Variants in GPATCH8 observed in about 807,000 individuals in gnomAD.
GPATCH8 encodes the protein G patch domain-containing protein 8.
GPATCH8 carries 18 observed loss-of-function variants against 118.3 expected under a neutral mutation model. The observed-to-expected ratio is 0.15, with a 90% confidence interval of 0.11 to 0.23. The LOEUF (loss-of-function observed/expected upper bound fraction) is 0.23, where lower values mean the gene tolerates loss of function less well. Ranked by LOEUF, GPATCH8 falls within the 10% of genes least tolerant of loss-of-function variation. The pLI, the probability that GPATCH8 is intolerant of heterozygous loss-of-function variation, is 1.00. For synonymous variants in GPATCH8, 659 were observed against 684.7 expected, an observed-to-expected ratio of 0.96 and a Z score of 0.59; for missense variants, 1,631 against 1,873.8, an observed-to-expected ratio of 0.87 and a Z score of 2.39.
chr17:44,497,937 T>C (rs1969790238), intron 1 of GPATCH8, among the ~76,000 whole-genome samples: 1 of 148,226 alleles, frequency 6.7e-6, no homozygotes, highest in African/African-American at 2.5e-5. Flanking sequence ...AGACACTGTC[T>C]CCAAAAAAAA....
At chr17:44,469,088 TC>T (rs1280659982) in intron 2 of GPATCH8, among the ~76,000 whole-genome samples, 3 of 152,076 alleles carry the variant, frequency 2.0e-5, no homozygotes, top group African/African-American at 2.4e-5. Flanking sequence ...CCTTTTTTTC[TC>T]CCCCTATTTC....
At chr17:44,454,733 C>T (rs1285275826) in intron 3 of GPATCH8, among the ~76,000 whole-genome samples, 1 of 152,326 alleles carries the variant, frequency 6.6e-6, no homozygotes, top group South Asian at 2.1e-4. Flanking sequence ...CTTTCCTTTT[C>T]TGTTTTATCC....
chr17:44,449,793 G>A (rs528358255), intron 3 of GPATCH8, among the ~76,000 whole-genome samples: 46 of 152,290 alleles, frequency 3.0e-4, no homozygotes, highest in South Asian at 1.0e-3. Context: ...GATTACAGGC[G>A]TGAGCCACTG....
intron 5 of GPATCH8, among the ~76,000 whole-genome samples, chr17:44,428,057 G>A (rs548692681): frequency 2.6e-5 from 4 of 152,170 alleles, no homozygotes; most frequent in African/African-American, 7.2e-5. Flanking sequence ...CGAGGCAGGC[G>A]GATTACCTGA....
chr17:44,422,982 TCC>T (rs2049966403), intron 6 of GPATCH8, among the ~76,000 whole-genome samples: 2 of 151,640 alleles, frequency 1.3e-5, no homozygotes, highest in African/African-American at 4.8e-5. Context: ...TAAAAGAATG[TCC>T]ACGGCCGGGC....
chr17:44,427,835 C>T (rs2050143517), intron 5 of GPATCH8, among the ~76,000 whole-genome samples: 1 of 151,926 alleles, frequency 6.6e-6, no homozygotes, highest in African/African-American at 2.4e-5. Context: ...GCTTATAGTA[C>T]GAAAATAATG....
At chr17:44,483,599 T>A (rs1968518378) in intron 1 of GPATCH8, among the ~76,000 whole-genome samples, 2 of 151,948 alleles carry the variant, frequency 1.3e-5, no homozygotes, top group African/African-American at 4.8e-5. Flanking sequence ...TCATACTTAC[T>A]GCATTTTAAA....
chr17:44,484,142 T>C (rs887434385), intron 1 of GPATCH8, among the ~76,000 whole-genome samples: 4 of 149,914 alleles, frequency 2.7e-5, no homozygotes, highest in Non-Finnish European at 5.9e-5. Context: ...GCCAGACCAA[T>C]TTATTTATTT....
chr17:44,472,175 T>C (rs1046897427), intron 2 of GPATCH8, among the ~76,000 whole-genome samples: 8 of 152,136 alleles, frequency 5.3e-5, no homozygotes, highest in Non-Finnish European at 1.2e-4. Context: ...TTCTGAACAT[T>C]CATTTATTTA....
chr17:44,484,855 T>C (rs1968650797), intron 1 of GPATCH8, among the ~76,000 whole-genome samples: 1 of 152,142 alleles, frequency 6.6e-6, no homozygotes, highest in Non-Finnish European at 1.5e-5. Flanking sequence ...CTAACTTTTA[T>C]TATGTATTTG....
At position 44,400,051 on chromosome 17, in the gene GPATCH8, T is replaced by C; in HGVS notation, c.2026A>G (p.Lys676Glu). The change falls in exon 8 of 8, where the codon AAA (lysine) becomes GAA (glutamate). Residue 676 changes from lysine (K) to glutamate (E), a missense_variant. Transcript: ENST00000591680. ...GATTTTTTGTGCTTCTTTTTCTTTT[T>C]GTGCCGGTGGGACTTCCCAGATCGT... is the stretch of plus-strand genomic sequence containing the variant. ...KERSGKSHRHKKKKKHKKSSK... is the reference protein window; with the variant it reads ...KERSGKSHRHEKKKKHKKSSK... The C allele has an allele frequency of 6.2e-7, 1 of 1,614,162 alleles. No homozygotes were observed. The highest frequency in any genetic ancestry group is 8.5e-7 in the Non-Finnish European group (1 of 1,180,032).
intron 3 of GPATCH8, among the ~76,000 whole-genome samples, chr17:44,441,414 C>T (rs762257380): frequency 5.9e-5 from 9 of 152,162 alleles, no homozygotes; most frequent in Non-Finnish European, 1.2e-4. Context: ...AGATTCAATA[C>T]AAACATTTAC....
chr17:44,462,798 C>T lies in GPATCH8; in HGVS notation c.193+1674G>A, dbSNP rs144813381. Among the ~76,000 whole-genome samples, 631 of 151,962 alleles carry T rather than the reference C, an allele frequency of 4.2e-3. 5 individuals are homozygous for T. The highest frequency in any genetic ancestry group is 0.015 in the African/African-American group (612 of 41,468). On this transcript the variant is annotated intron_variant, in intron 3 of 7. Transcript: ENST00000591680. ...GAGATCGAGACCATCCTGGCTAACA[C>T]GGTGAAACCCCGTCTCTATAAAAAT...
At position 44,395,331 on chromosome 17, in the gene GPATCH8, CAT is replaced by C. The variant is rs1157596360; in HGVS notation, c.*2235_*2236del. ...AAAGTTCCTTTCCCTCATTTTACAG[CAT>C]ATATATCTCTATCATATGTGATAAA... On this transcript the variant is annotated 3_prime_UTR_variant, in exon 8 of 8. Coordinates refer to ENST00000591680, the MANE Select transcript of GPATCH8 (RefSeq NM_001002909.4). 1.9e-5 allele frequency: 8 copies of C among 416,302 alleles called. No homozygotes were observed. The highest frequency in any genetic ancestry group is 1.2e-4 in the African/African-American group (6 of 48,100). The allele number at this position is 416,302 out of a possible 1,614,324, so 25.8% of individuals were successfully genotyped here. A position where few individuals can be genotyped will look rare whatever the true frequency, so the allele number is the denominator to read the frequency against.
At chr17:44,464,618 C>T in intron 2 of GPATCH8, 74 bp from the exon 3 acceptor site, 1 of 894,682 alleles carries the variant, frequency 1.1e-6, no homozygotes, top group Non-Finnish European at 1.9e-6. Context: ...GACATTTAAA[C>T]AGATGATGAG....
chr17:44,470,858 A>C (rs1251258323), intron 2 of GPATCH8, among the ~76,000 whole-genome samples: 1 of 152,216 alleles, frequency 6.6e-6, no homozygotes, highest in East Asian at 1.9e-4. Flanking sequence ...TATCCTAAAA[A>C]ACACCAATTA....
At chr17:44,490,256 T>C (rs1295444867) in intron 1 of GPATCH8, among the ~76,000 whole-genome samples, 1 of 152,096 alleles carries the variant, frequency 6.6e-6, no homozygotes, top group Non-Finnish European at 1.5e-5. Flanking sequence ...TGCAGTAAGC[T>C]ATGATCTTGT....
At position 44,414,080 on chromosome 17, in the gene GPATCH8, T is replaced by TGC. The variant is rs1491529612; in HGVS notation, c.493-8030_493-8029insGC. Reference sequence around the variant, plus strand: ...AGGCATATATATATATATATATATATGTGTGTGTATATATATATATGTGTG... The same window carrying TGC: ...AGGCATATATATATATATATATATATGCGTGTGTGTATATATATATATGTGTG... On this transcript the variant is annotated intron_variant, in intron 6 of 7. Coordinates refer to ENST00000591680, the MANE Select transcript of GPATCH8 (RefSeq NM_001002909.4). 2.3e-3 allele frequency among the ~76,000 whole-genome samples: 319 copies of TGC among 141,548 alleles called. 2 individuals carry two copies. The highest frequency in any genetic ancestry group is 8.5e-3 in the African/African-American group (309 of 36,446). The allele number at this position is 141,548 out of a possible 152,430, so 92.9% of individuals were successfully genotyped here.
At position 44,400,682 on chromosome 17, in the gene GPATCH8, C is replaced by G. The variant is rs148971311; in HGVS notation, c.1395G>C (p.Pro465=). 9.0e-5 allele frequency: 145 copies of G among 1,611,256 alleles called. No individual in the cohort carries two copies. In the African/African-American group the frequency reaches 1.7e-3, roughly 19 times the overall value. ...AGGGCTCGGTCATGCTGGTTTCCTT[C>G]GGCTGCTCAGAGACTTCACTAACTG... ...EKTVSEVSEQ[P]KETSMTEPSE... is the part of the protein sequence containing the mutation. The change falls in exon 8 of 8, where the codon CCG becomes CCC. Residue 465 remains proline (P), a synonymous_variant. Coordinates refer to ENST00000591680, the MANE Select transcript of GPATCH8 (RefSeq NM_001002909.4).
Sources: allele counts gnomAD v4.1 joint callset (sites outside exome capture counted in the v4.1 genomes callset), GRCh38; gene constraint gnomAD v4.1.1; transcripts MANE v1.5; gene names NCBI Gene and HGNC (gene_info 2026-07-23, HGNC 2026-07-21).